The following ORC3 variants were observed in gnomAD, a reference collection of about 807,000 sequenced individuals.
ORC3 encodes the protein origin recognition complex subunit 3.
In ORC3, 78 loss-of-function variants were observed where a neutral mutation model predicts 100.7. That is an observed-to-expected ratio of 0.77 (90% CI 0.65 to 0.94). The LOEUF is 0.94. Among genes scored for constraint, ORC3 ranks in the 40% least tolerant of loss-of-function variants. The probability of loss-of-function intolerance (pLI) is 0.00; values close to 1 mark genes in which losing one functional copy is unlikely to be tolerated. For missense variants in ORC3, 789 were observed against 823.9 expected (o/e 0.96, Z 0.52); for synonymous variants, 295 against 289.3 (o/e 1.02, Z -0.20).
At chr6:87,611,331 A>G (rs1163127393) in intron 7 of ORC3, among the ~76,000 whole-genome samples, 2 of 152,162 alleles carry the variant, frequency 1.3e-5, no homozygotes, top group African/African-American at 2.4e-5. Context: ...CTTGGAAAGT[A>G]CATAGTACAA....
Position 87,634,871 on chromosome 6 carries a change from C to T in ORC3, c.1212C>T (p.Asn404=). Residue 404 remains asparagine, a synonymous_variant, in exon 12 of 20, where the codon AAC becomes AAT. Transcript: ENST00000392844. ...LKEETQLLLE[N]LHVYHMNYFL... is the part of the protein sequence containing the mutation. ...AGGAAACACAATTATTACTAGAAAA[C>T]CTGCATGTTTATCATATGAATTACT... The T allele has an allele frequency of 1.3e-6, 2 of 1,580,718 alleles. No individual in the cohort carries two copies. Among genetic ancestry groups the T allele is most frequent in the Non-Finnish European group, 8.7e-7 (1 of 1,150,100 alleles).
chr6:87,590,234 C>T (rs1223987116), intron 1 of ORC3, 42 bp downstream of exon 1: 6 of 1,603,282 alleles, frequency 3.7e-6, no homozygotes, highest in Non-Finnish European at 5.1e-6. Context: ...ACCGCTGCCT[C>T]ATTCCCCTTT....
chr6:87,677,810 C>T, the ORC3 span: 1 of 1,613,016 alleles, frequency 6.2e-7, no homozygotes, highest in Non-Finnish European at 8.5e-7. Context: ...AATAAACACA[C>T]CTCATACCTG....
chr6:87,673,079 G>A, the ORC3 span, among the ~76,000 whole-genome samples: 1 of 150,228 alleles, frequency 6.7e-6, no homozygotes, highest in African/African-American at 2.5e-5. Flanking sequence ...CCCATCTAAA[G>A]TCAGAGTAGC....
chr6:87,644,077 TCC>T (rs1466459429), intron 13 of ORC3, among the ~76,000 whole-genome samples: 1,398 of 98,526 alleles, frequency 0.014, 152 homozygotes, highest in African/African-American at 0.045. Flanking sequence ...TGGCTGACTG[TCC>T]TTTTTTTTTT....
chr6:87,614,645 A>G (rs960359853), intron 8 of ORC3, among the ~76,000 whole-genome samples: 2 of 152,152 alleles, frequency 1.3e-5, no homozygotes, highest in Non-Finnish European at 2.9e-5. Flanking sequence ...GTTCCTCAGG[A>G]TACCCAAAAT....
chr6:87,666,856 G>A (rs972663294), intron 19 of ORC3, among the ~76,000 whole-genome samples, 162 bp from the exon 20 acceptor site: 1 of 152,142 alleles, frequency 6.6e-6, no homozygotes, highest in African/African-American at 2.4e-5. Context: ...TTTATTGATA[G>A]TGGATTCTAA....
chr6:87,594,671 T>A, intron 2 of ORC3: 1 of 606,388 alleles, frequency 1.6e-6, no homozygotes, highest in Non-Finnish European at 2.2e-6. Context: ...AAAGAGATTG[T>A]CTTTTTGATT....
chr6:87,646,019 C>A (rs1004845118), intron 13 of ORC3, among the ~76,000 whole-genome samples: 1 of 131,344 alleles, frequency 7.6e-6, no homozygotes, highest in South Asian at 2.3e-4. Flanking sequence ...CGGAGTCTTG[C>A]GCTGTTGCCC....
rs758710875 is a variant in ORC3 at position 87,612,194 on chromosome 6, A to G, written c.819A>G (p.Ile273Met). 4.3e-5 allele frequency: 69 copies of G among 1,612,784 alleles called. No individual in the cohort carries two copies. Among genetic ancestry groups the G allele is most frequent in the Non-Finnish European group, 5.3e-5 (63 of 1,179,342 alleles). Residue 273 changes from isoleucine (I) to methionine (M), a missense_variant, in exon 8 of 20, where the codon ATA becomes ATG. Ile to Met is a conservative substitution (Grantham distance 10, BLOSUM62 1). Around this residue, in one of 3 missense-constraint regions of ORC3, gnomAD observed 399 missense variants for 382.0 expected, o/e 1.04. Coordinates refer to ENST00000392844, the MANE Select transcript of ORC3 (RefSeq NM_012381.4). ...ATGCAGTATCATCTCTATTGTGCAT[A>G]GAACTGTTCCAATCTTTGTCTTGTA... is the stretch of plus-strand genomic sequence containing the variant. ...LPHAVSSLLC[I>M]ELFQSLSCKE...
rs376418108 is a variant in ORC3 at position 87,590,180 on chromosome 6, C to A, written c.12C>A (p.Ser4=). The A allele has an allele frequency of 3.7e-6, 6 of 1,614,096 alleles. No individual in the cohort carries two copies. The highest frequency in any genetic ancestry group is 5.1e-6 in the Non-Finnish European group (6 of 1,179,898). MAT[S]SMSKGCFVFK... is the part of the protein sequence containing the mutation. Reference sequence around the variant, plus strand: ...GAGTCAGTAAGACCATGGCTACGTCCTCGATGTCTAAGGTATGTGGTGGCC... The same window carrying A: ...GAGTCAGTAAGACCATGGCTACGTCATCGATGTCTAAGGTATGTGGTGGCC... Residue 4 remains serine (S), a synonymous_variant, in exon 1 of 20, where the codon TCC becomes TCA. Transcript: ENST00000392844.
intron 11 of ORC3, among the ~76,000 whole-genome samples, chr6:87,628,618 A>G (rs1190675504): frequency 6.6e-6 from 1 of 152,220 alleles, no homozygotes; most frequent in East Asian, 1.9e-4. Context: ...CCCTCATTTC[A>G]AAAATGAAGA....
chr6:87,601,684 A>T (rs1477690044), intron 2 of ORC3, 100 bp from the exon 3 acceptor site: 20 of 707,880 alleles, frequency 2.8e-5, no homozygotes, highest in Non-Finnish European at 4.6e-5. Flanking sequence ...AAAAAAAAAA[A>T]ATTTCACTTC....
At chr6:87,672,584 G>C in the ORC3 span, among the ~76,000 whole-genome samples, 1 of 152,202 alleles carries the variant, frequency 6.6e-6, no homozygotes, top group Admixed American at 6.5e-5. Flanking sequence ...AAGGAGTAAA[G>C]AGAACCCAAA....
At chr6:87,654,094 T>C (rs942859043) in intron 14 of ORC3, among the ~76,000 whole-genome samples, 1 of 152,208 alleles carries the variant, frequency 6.6e-6, no homozygotes, top group African/African-American at 2.4e-5. Flanking sequence ...TTTTTTCATA[T>C]ATAATCACAT....
At chr6:87,614,303 G>A (rs2128257254) in intron 8 of ORC3, among the ~76,000 whole-genome samples, 1 of 152,286 alleles carries the variant, frequency 6.6e-6, no homozygotes, top group South Asian at 2.1e-4. Flanking sequence ...AATTTCCTAA[G>A]CTGCACACAG....
rs1341615676 is a variant in ORC3 at position 87,612,080 on chromosome 6, C to A, written c.714-9C>A. ...AAATTTCACTTTTGTGTCTGTCTTTCAAAACTAGTCAACATCTCCATGAAT... is the reference window on the plus strand; with the variant it reads ...AAATTTCACTTTTGTGTCTGTCTTTAAAAACTAGTCAACATCTCCATGAAT... On this transcript the variant is annotated splice_polypyrimidine_tract_variant and intron_variant, in intron 7 of 19. Coordinates refer to ENST00000392844, the MANE Select transcript of ORC3 (RefSeq NM_012381.4). 9 of 1,604,356 alleles carry A rather than the reference C, an allele frequency of 5.6e-6. No homozygotes were observed. In the Admixed American group the frequency reaches 1.6e-4, roughly 28 times the overall value.
At chr6:87,631,498 AAAATTTTTTTTTGAG>A (rs1297667684) in intron 11 of ORC3, among the ~76,000 whole-genome samples, 1 of 151,832 alleles carries the variant, frequency 6.6e-6, no homozygotes, top group Non-Finnish European at 1.5e-5. Flanking sequence ...TATTAAATGG[AAAATTTTTTTTTGAG>A]ATGGAATCTC....
chr6:87,604,028 A>G (rs1172462699), intron 4 of ORC3, among the ~76,000 whole-genome samples: 1 of 152,206 alleles, frequency 6.6e-6, no homozygotes, highest in Non-Finnish European at 1.5e-5. Context: ...TTGCACATAA[A>G]TTGCTTTCAA....
Sources: gnomAD v4.1 joint callset for allele counts (sites outside exome capture counted in the v4.1 genomes callset) on GRCh38, gnomAD v4.1.1 for gene constraint, gnomAD v4.1.1 regional missense constraint, MANE v1.5 for transcripts, NCBI Gene and HGNC (gene_info 2026-07-23, HGNC 2026-07-21) for gene names.